Variants in NTM observed in about 807,000 individuals in gnomAD.
The protein encoded by NTM is IgLON family member 2.
A neutral mutation model predicts 42.1 loss-of-function variants in NTM; 13 were observed. The ratio of observed to expected loss-of-function variants is 0.31; its 90% confidence interval spans 0.20 to 0.49. The LOEUF (loss-of-function observed/expected upper bound fraction) is 0.49, where lower values mean the gene tolerates loss of function less well. NTM is among the 20% of genes least tolerant of loss of function. NTM has a pLI of 0.99. For synonymous variants in NTM, 187 were observed against 179.2 expected (o/e 1.04, Z -0.35); for missense variants, 373 against 452.8 (o/e 0.82, Z 1.60).
At position 131,911,435 on chromosome 11, in the gene NTM, G is replaced by T. The variant is rs549725791; in HGVS notation, c.83-129G>T. The T allele has an allele frequency of 3.7e-6, 6 of 1,612,992 alleles. No homozygotes were observed. In the African/African-American group the frequency reaches 6.7e-5, roughly 18 times the overall value. ...CACTTCCTGTGCTCGCCCGGGGGGCGTGTGCCGTGCGGCTGCCGGAGTTCG... is the reference window on the plus strand; with the variant it reads ...CACTTCCTGTGCTCGCCCGGGGGGCTTGTGCCGTGCGGCTGCCGGAGTTCG... On this transcript the variant is annotated intron_variant, in intron 1 of 8. Transcript: ENST00000683400.
chr11:131,962,459 T>C (rs2062313213), intron 2 of NTM, among the ~76,000 whole-genome samples: 1 of 152,186 alleles, frequency 6.6e-6, no homozygotes. Context: ...AGTGCCTTTA[T>C]ACGAAGAGAC....
chr11:132,319,083 G>A (rs1217001333), intron 7 of NTM, among the ~76,000 whole-genome samples: 1 of 152,202 alleles, frequency 6.6e-6, no homozygotes, highest in Non-Finnish European at 1.5e-5. Context: ...GAACCTCCAT[G>A]TGACTGTATT....
chr11:132,082,634 CCTCT>C (rs2136298579), intron 2 of NTM, among the ~76,000 whole-genome samples: 1 of 152,144 alleles, frequency 6.6e-6, no homozygotes, highest in East Asian at 1.9e-4. Flanking sequence ...CTGTCTCCTC[CCTCT>C]ATGATTCCCC....
At chr11:132,245,652 G>A (rs915621468) in intron 4 of NTM, among the ~76,000 whole-genome samples, 5 of 152,044 alleles carry the variant, frequency 3.3e-5, no homozygotes, top group African/African-American at 1.2e-4. Flanking sequence ...AGAGCGTCAC[G>A]GGGACTCTGT....
At chr11:132,315,707 C>T (rs1440563045) in intron 7 of NTM, among the ~76,000 whole-genome samples, 2 of 152,138 alleles carry the variant, frequency 1.3e-5, no homozygotes, top group South Asian at 4.1e-4. Flanking sequence ...CTCTGAATCA[C>T]GAGCCTGCAC....
intron 1 of NTM, among the ~76,000 whole-genome samples, chr11:131,653,358 G>A (rs950869986): frequency 1.3e-5 from 2 of 152,188 alleles, no homozygotes; most frequent in Non-Finnish European, 2.9e-5. Flanking sequence ...AGGGGAGGAC[G>A]GACATCAGCC....
chr11:132,189,554 G>A (rs1214356714), intron 3 of NTM, among the ~76,000 whole-genome samples: 1 of 152,110 alleles, frequency 6.6e-6, no homozygotes, highest in Non-Finnish European at 1.5e-5. Flanking sequence ...CTTCTCCAAA[G>A]CATGTTGACA....
chr11:132,049,948 C>G (rs1459401450), intron 2 of NTM, among the ~76,000 whole-genome samples: 1 of 152,158 alleles, frequency 6.6e-6, no homozygotes, highest in African/African-American at 2.4e-5. Flanking sequence ...ACACAAAGAT[C>G]TGCAGCCTCC....
chr11:131,477,282 C>A (rs900090798), intron 1 of NTM, among the ~76,000 whole-genome samples: 1 of 152,146 alleles, frequency 6.6e-6, no homozygotes, highest in Non-Finnish European at 1.5e-5. Flanking sequence ...CAGAATACAG[C>A]GGAAGCAGTG....
chr11:132,104,937 GTATATATATATATA>G (rs534897526), intron 2 of NTM, among the ~76,000 whole-genome samples: 6,644 of 61,860 alleles, frequency 0.11, 961 homozygotes, highest in Middle Eastern at 0.15. Context: ...ATATACATAT[GTATATATATATATA>G]TATATATATA....
chr11:131,588,975 T>C (rs2059122348), intron 1 of NTM, among the ~76,000 whole-genome samples: 1 of 152,156 alleles, frequency 6.6e-6, no homozygotes, highest in African/African-American at 2.4e-5. Flanking sequence ...AGGGTTTATA[T>C]GGGAGAGTAG....
chr11:131,506,631 G>A (rs1257502935), intron 1 of NTM, among the ~76,000 whole-genome samples: 2 of 152,182 alleles, frequency 1.3e-5, no homozygotes. Flanking sequence ...TCTTTGCCAG[G>A]GAGAGATGGT....
intron 2 of NTM, among the ~76,000 whole-genome samples, chr11:132,125,799 T>C (rs986237488): frequency 3.4e-3 from 8 of 2,372 alleles, no homozygotes; most frequent in Admixed American, 0.023. Context: ...GTGTTGTGTA[T>C]CTGTGTGTGC....
intron 4 of NTM, among the ~76,000 whole-genome samples, chr11:132,257,221 G>T (rs1027612867): frequency 3.9e-5 from 6 of 152,222 alleles, no homozygotes; most frequent in African/African-American, 1.4e-4. Context: ...CTGCTGAGAG[G>T]GCATGGAGGA....
rs2058735429 is a variant in NTM at position 131,585,059 on chromosome 11, AG to A, written c.82+214173del. Among the ~76,000 whole-genome samples, 4 of 152,238 alleles carry A rather than the reference AG, an allele frequency of 2.6e-5. 1 individual carries two copies. The South Asian group carries it at 8.3e-4, about 32-fold the overall frequency. On this transcript the variant is annotated intron_variant, in intron 1 of 8. Transcript: ENST00000683400. ...GTTCTTGCAACCAAGGCACAAATTA[AG>A]GCAAAATTAGAGACTTTCTTTGGGC...
intron 1 of NTM, among the ~76,000 whole-genome samples, chr11:131,757,221 A>G (rs2083456171): frequency 6.6e-6 from 1 of 152,242 alleles, no homozygotes; most frequent in Admixed American, 6.5e-5. Flanking sequence ...TCTTGCCACC[A>G]GAAAGATCAC....
chr11:131,916,719 A>T (rs1229703307), intron 2 of NTM, among the ~76,000 whole-genome samples: 1 of 152,178 alleles, frequency 6.6e-6, no homozygotes, highest in Non-Finnish European at 1.5e-5. Flanking sequence ...GGGCGGAACT[A>T]GGCCTCCTCC....
intron 1 of NTM, among the ~76,000 whole-genome samples, chr11:131,390,911 G>A (rs943237435): frequency 6.6e-6 from 1 of 152,098 alleles, no homozygotes; most frequent in Non-Finnish European, 1.5e-5. Context: ...CTGGTTACCT[G>A]GCCAGAGGTA....
At chr11:131,651,756 G>A (rs1398402488) in intron 1 of NTM, among the ~76,000 whole-genome samples, 1 of 152,204 alleles carries the variant, frequency 6.6e-6, no homozygotes, top group Non-Finnish European at 1.5e-5. Context: ...CAGGAGAATC[G>A]CTTGAACGCA....
Sources: gnomAD v4.1 joint callset for allele counts (sites outside exome capture counted in the v4.1 genomes callset) on GRCh38, gnomAD v4.1.1 for gene constraint, MANE v1.5 for transcripts, NCBI Gene and HGNC (gene_info 2026-07-23, HGNC 2026-07-21) for gene names.